Variants in DNAH9 observed in about 807,000 individuals in gnomAD.
The protein encoded by DNAH9 is DNAH9 variant protein.
In DNAH9, 345 loss-of-function variants were observed where a neutral mutation model predicts 471.6. The ratio of observed to expected loss-of-function variants is 0.73; its 90% CI spans 0.67 to 0.80. The LOEUF is 0.80. Ranked by LOEUF, DNAH9 falls within the 30% of genes least tolerant of loss-of-function variation. The pLI, the probability that DNAH9 is intolerant of heterozygous loss-of-function variation, is 0.00. For missense variants in DNAH9, 5,407 were observed against 5,609.2 expected (o/e 0.96, Z 1.15); for synonymous variants, 2,093 against 2,123.6 (o/e 0.99, Z 0.40).
intron 27 of DNAH9, 70 bp from the exon 28 acceptor site, chr17:11,727,748 G>A: frequency 9.9e-7 from 1 of 1,007,122 alleles, no homozygotes; most frequent in Non-Finnish European, 1.6e-6. Flanking sequence ...AAAGGGGATG[G>A]AGAATGGCTT....
intron 43 of DNAH9, among the ~76,000 whole-genome samples, chr17:11,799,540 G>A (rs1219978615): frequency 6.6e-6 from 1 of 151,344 alleles, no homozygotes; most frequent in Non-Finnish European, 1.5e-5. Context: ...TAACTTTCTT[G>A]TCATTGTATC....
At chr17:11,872,268 A>G (rs973302749) in intron 52 of DNAH9, among the ~76,000 whole-genome samples, 1 of 151,608 alleles carries the variant, frequency 6.6e-6, no homozygotes, top group African/African-American at 2.4e-5. Flanking sequence ...GCATAATCCC[A>G]TGAACAGCTG....
Position 11,937,117 on chromosome 17 carries a change from AAG to A in DNAH9, c.12490-231_12490-230del, listed in dbSNP as rs541917685. ...AAAGTCATCTAAGCCTCCCAGAAAA[AAG>A]AGAATGATAGAATGAATGTGGAAGT... On this transcript the variant is annotated intron_variant, in intron 65 of 68. Transcript: ENST00000262442. The surrounding 1 kb of genome is among the most constrained non-coding windows in gnomAD (Gnocchi z 4.1). 1.1e-3 allele frequency among the ~76,000 whole-genome samples: 168 copies of A among 152,212 alleles called. No individual in the cohort carries two copies. Among genetic ancestry groups the A allele is most frequent in the Non-Finnish European group, 1.9e-3 (132 of 68,004 alleles).
At chr17:11,810,503 C>T in intron 45 of DNAH9, 134 bp downstream of exon 45, 1 of 1,169,624 alleles carries the variant, frequency 8.5e-7, no homozygotes, top group Non-Finnish European at 1.2e-6. Context: ...CAGCCAAGGA[C>T]TGGTTCATTG....
chr17:11,724,577 C>T (rs1424092589), intron 27 of DNAH9, among the ~76,000 whole-genome samples: 1 of 152,152 alleles, frequency 6.6e-6, no homozygotes, highest in African/African-American at 2.4e-5. Flanking sequence ...TGCATTCATC[C>T]ATTGATGGAC....
At chr17:11,647,030 G>A (rs574069835) in intron 11 of DNAH9, 42 bp from the exon 12 acceptor site, 75 of 1,607,398 alleles carry the variant, frequency 4.7e-5, no homozygotes, top group Admixed American at 4.0e-4. Context: ...CGGTGAGCTG[G>A]GAGGGGGCTT....
intron 1 of DNAH9, among the ~76,000 whole-genome samples, chr17:11,602,342 C>T (rs892267653): frequency 1.3e-5 from 2 of 152,154 alleles, no homozygotes; most frequent in African/African-American, 4.8e-5. Flanking sequence ...TCTTGTCACT[C>T]TTCATCCTAT....
chr17:11,771,748 T>C (rs1225348503), intron 38 of DNAH9, among the ~76,000 whole-genome samples: 1 of 152,216 alleles, frequency 6.6e-6, no homozygotes, highest in African/African-American at 2.4e-5. Flanking sequence ...TCTGCCCATT[T>C]ACCTCAATTC....
chr17:11,779,097 C>T (rs1455824317), intron 38 of DNAH9, among the ~76,000 whole-genome samples: 2 of 152,164 alleles, frequency 1.3e-5, no homozygotes, highest in East Asian at 3.9e-4. Context: ...GGTGCAGCAG[C>T]TGACACGGGT....
intron 50 of DNAH9, among the ~76,000 whole-genome samples, chr17:11,857,531 T>C (rs557290057): frequency 2.6e-4 from 39 of 152,292 alleles, no homozygotes; most frequent in African/African-American, 9.1e-4. Flanking sequence ...AAGTCTTACT[T>C]TGAGGATTTT....
intron 29 of DNAH9, 108 bp downstream of exon 29, chr17:11,739,145 A>T: frequency 3.4e-6 from 4 of 1,162,774 alleles, no homozygotes; most frequent in Non-Finnish European, 4.8e-6. Context: ...AACATTTGGA[A>T]AAGTAGATTT....
intron 49 of DNAH9, among the ~76,000 whole-genome samples, chr17:11,845,260 G>GT (rs1335821545): frequency 0.017 from 1,921 of 113,728 alleles, 68 homozygotes; most frequent in African/African-American, 0.054. Flanking sequence ...GCGGTGTTTG[G>GT]TTTTTTGTTC....
intron 49 of DNAH9, among the ~76,000 whole-genome samples, chr17:11,836,966 T>C (rs1970869429): frequency 6.6e-6 from 1 of 152,230 alleles, no homozygotes; most frequent in Non-Finnish European, 1.5e-5. Context: ...CGTTTTCTCA[T>C]CTGTGAAATG....
At chr17:11,709,061 T>A (rs942937345) in intron 26 of DNAH9, among the ~76,000 whole-genome samples, 2 of 152,342 alleles carry the variant, frequency 1.3e-5, no homozygotes, top group East Asian at 3.9e-4. Flanking sequence ...ATTTGTCTTT[T>A]CCCTGGGCCT....
chr17:11,675,748 A>T (rs148068437), intron 17 of DNAH9, among the ~76,000 whole-genome samples: 2 of 152,316 alleles, frequency 1.3e-5, no homozygotes, highest in East Asian at 3.9e-4. Flanking sequence ...TTGGCTTCTA[A>T]TGTTAAAACA....
chr17:11,704,020 G>A (rs565671565), intron 24 of DNAH9, among the ~76,000 whole-genome samples, 183 bp from the exon 25 acceptor site: 155 of 152,252 alleles, frequency 1.0e-3, no homozygotes, highest in East Asian at 7.7e-4. Context: ...CACCTGTACC[G>A]CAACAACTTC....
chr17:11,769,053 G>A (rs1968089029), intron 37 of DNAH9, 69 bp from the exon 38 acceptor site: 4 of 1,542,048 alleles, frequency 2.6e-6, no homozygotes, highest in East Asian at 4.5e-5. Context: ...AAATGCTTCG[G>A]AACGCCGCTG....
At chr17:11,907,796 C>T (rs1973658817) in intron 61 of DNAH9, among the ~76,000 whole-genome samples, 1 of 152,086 alleles carries the variant, frequency 6.6e-6, no homozygotes, top group Non-Finnish European at 1.5e-5. Context: ...AAAGCAACAG[C>T]CCCCAGCACC....
At position 11,954,241 on chromosome 17, in the gene DNAH9, AG is replaced by A. The variant is rs1002373388; in HGVS notation, c.12844-7618del. Reference sequence around the variant, plus strand: ...AAAAGGATGGGGTTGTTGATGGGGAAGGGGGGGGCCAAAAAAACTATTTGAA... The same window carrying A: ...AAAAGGATGGGGTTGTTGATGGGGAAGGGGGGGCCAAAAAAACTATTTGAA... On this transcript the variant is annotated intron_variant, in intron 67 of 68. Transcript: ENST00000262442. Among the ~76,000 whole-genome samples the A allele has an allele frequency of 1.2e-4, 18 of 151,198 alleles. No homozygotes were observed. The East Asian group carries it at 2.5e-3, about 21-fold the overall frequency.
Sources: allele counts gnomAD v4.1 joint callset (sites outside exome capture counted in the v4.1 genomes callset), GRCh38; gene constraint gnomAD v4.1.1; non-coding constraint Gnocchi (gnomAD v3.1); transcripts MANE v1.5; gene names NCBI Gene and HGNC (gene_info 2026-07-23, HGNC 2026-07-21).